Variants in DEPDC1B observed in about 807,000 individuals in gnomAD.
DEPDC1B encodes the protein DEP domain-containing protein 1B.
A neutral mutation model predicts 66.5 loss-of-function variants in DEPDC1B; 51 were observed. The ratio of observed to expected loss-of-function variants is 0.77; its 90% CI spans 0.61 to 0.97. DEPDC1B has a LOEUF of 0.97. DEPDC1B is among the 50% of genes least tolerant of loss of function. The pLI, the probability that DEPDC1B is intolerant of heterozygous loss-of-function variation, is 0.00. For synonymous variants in DEPDC1B, 226 were observed against 223.6 expected, an observed-to-expected ratio of 1.01 and a Z score of -0.10; for missense variants, 552 against 637.1, an observed-to-expected ratio of 0.87 and a Z score of 1.44.
At chr5:60,641,984 ATAC>A (rs1172069961) in intron 6 of DEPDC1B, among the ~76,000 whole-genome samples, 13 of 152,230 alleles carry the variant, frequency 8.5e-5, no homozygotes, top group Non-Finnish European at 1.9e-4. Context: ...CATGTTCCAT[ATAC>A]TACTACTAAG....
chr5:60,691,311 C>T (rs761114222), intron 1 of DEPDC1B, among the ~76,000 whole-genome samples: 8 of 152,178 alleles, frequency 5.3e-5, no homozygotes, highest in Non-Finnish European at 1.2e-4. Flanking sequence ...ACCTCAGCCT[C>T]CCAAAGTGCT....
rs1752109530 is a variant in DEPDC1B at position 60,597,023 on chromosome 5, T to C, written c.*730A>G. 6.6e-6 allele frequency: 1 copy of C among 152,624 alleles called. No individual in the cohort carries two copies. 9.5% of individuals were successfully genotyped at this position (152,624 alleles called of 1,614,324 possible). A position where few individuals can be genotyped will look rare whatever the true frequency, so the allele number is the denominator to read the frequency against. On this transcript the variant is annotated 3_prime_UTR_variant, in exon 11 of 11. Transcript: ENST00000265036. ...TTATTTAACCCATTTGCATTTGACT[T>C]AGAATCAGAGGTCTAAGGGTACCCA...
At chr5:60,623,983 A>T (rs993387357) in intron 7 of DEPDC1B, among the ~76,000 whole-genome samples, 5 of 152,098 alleles carry the variant, frequency 3.3e-5, no homozygotes, top group African/African-American at 1.2e-4. Flanking sequence ...ATCTTAAATC[A>T]CTTATTTCAT....
At chr5:60,615,001 A>G (rs1289823296) in intron 7 of DEPDC1B, among the ~76,000 whole-genome samples, 2 of 152,232 alleles carry the variant, frequency 1.3e-5, no homozygotes, top group African/African-American at 2.4e-5. Flanking sequence ...AAAAATAAAT[A>G]AATGAATAAA....
intron 7 of DEPDC1B, among the ~76,000 whole-genome samples, chr5:60,623,980 A>G (rs1752760706): frequency 6.6e-6 from 1 of 152,022 alleles, no homozygotes; most frequent in Non-Finnish European, 1.5e-5. Context: ...CCAATCTTAA[A>G]TCACTTATTT....
At chr5:60,666,726 T>A (rs1324467054) in intron 2 of DEPDC1B, among the ~76,000 whole-genome samples, 1 of 152,172 alleles carries the variant, frequency 6.6e-6, no homozygotes, top group Non-Finnish European at 1.5e-5. Flanking sequence ...GTTTAGTGAC[T>A]GGTTTTGTGT....
chr5:60,675,531 C>T (rs980527651), intron 2 of DEPDC1B, among the ~76,000 whole-genome samples: 3 of 152,118 alleles, frequency 2.0e-5, no homozygotes, highest in Non-Finnish European at 2.9e-5. Context: ...CATTCCAAGC[C>T]TCTGTAAGCA....
At chr5:60,623,230 C>G (rs1263655273) in intron 7 of DEPDC1B, among the ~76,000 whole-genome samples, 1 of 152,156 alleles carries the variant, frequency 6.6e-6, no homozygotes, top group African/African-American at 2.4e-5. Flanking sequence ...CAACACTACC[C>G]TGAAAAGATG....
chr5:60,659,045 G>A (rs543814669), intron 2 of DEPDC1B, among the ~76,000 whole-genome samples: 49 of 152,262 alleles, frequency 3.2e-4, no homozygotes, highest in African/African-American at 1.1e-3. Context: ...CGTCCTAATT[G>A]AGCTGAACAC....
chr5:60,598,034 A>G (rs1752132115), intron 10 of DEPDC1B, 120 bp from the exon 11 acceptor site: 2 of 855,370 alleles, frequency 2.3e-6, no homozygotes, highest in East Asian at 6.0e-5. Flanking sequence ...ATTTTTGTTA[A>G]AACATTTCAT....
intron 2 of DEPDC1B, among the ~76,000 whole-genome samples, chr5:60,675,519 T>C (rs1754133737): frequency 6.6e-6 from 1 of 152,130 alleles, no homozygotes; most frequent in South Asian, 2.1e-4. Flanking sequence ...CAGTTACAGT[T>C]ACATTCCAAG....
chr5:60,640,587 G>A (rs374975799), intron 6 of DEPDC1B, among the ~76,000 whole-genome samples: 5 of 152,128 alleles, frequency 3.3e-5, no homozygotes, highest in South Asian at 2.1e-4. Flanking sequence ...CTGGACATGC[G>A]CAAAGAAGAA....
At chr5:60,629,160 T>C (rs1298814753) in intron 7 of DEPDC1B, among the ~76,000 whole-genome samples, 2 of 152,220 alleles carry the variant, frequency 1.3e-5, no homozygotes, top group Admixed American at 6.5e-5. Flanking sequence ...ACCATGTTGC[T>C]GCAATGACAT....
At chr5:60,665,673 C>G (rs1017206783) in intron 2 of DEPDC1B, among the ~76,000 whole-genome samples, 7 of 152,158 alleles carry the variant, frequency 4.6e-5, no homozygotes, top group African/African-American at 1.7e-4. Flanking sequence ...CCCAACAACA[C>G]TTGGGTTTTC....
chr5:60,663,107 C>T (rs757200258), intron 2 of DEPDC1B, among the ~76,000 whole-genome samples: 2 of 152,138 alleles, frequency 1.3e-5, no homozygotes, highest in Admixed American at 6.5e-5. Context: ...CATTATACAC[C>T]TGAACATAGG....
chr5:60,666,587 G>A (rs1490149251), intron 2 of DEPDC1B, among the ~76,000 whole-genome samples: 1 of 152,158 alleles, frequency 6.6e-6, no homozygotes, highest in East Asian at 1.9e-4. Context: ...CTGGTACTGG[G>A]GAGTGTCTGC....
intron 2 of DEPDC1B, among the ~76,000 whole-genome samples, chr5:60,677,620 T>G (rs1351368130): frequency 6.6e-6 from 1 of 152,072 alleles, no homozygotes; most frequent in Non-Finnish European, 1.5e-5. Context: ...CACTGCACCC[T>G]TGAACTCTGG....
intron 2 of DEPDC1B, among the ~76,000 whole-genome samples, chr5:60,652,203 T>G (rs149965805): frequency 6.7e-6 from 1 of 149,270 alleles, no homozygotes; most frequent in Non-Finnish European, 1.5e-5. Context: ...CTTTCATGGG[T>G]TGCATGTTCA....
At chr5:60,622,730 G>A (rs1001760832) in intron 7 of DEPDC1B, among the ~76,000 whole-genome samples, 18 of 152,198 alleles carry the variant, frequency 1.2e-4, no homozygotes, top group Admixed American at 9.2e-4. Flanking sequence ...CCATTTTAGT[G>A]TGTACATGGT....
Sources: allele counts gnomAD v4.1 joint callset (sites outside exome capture counted in the v4.1 genomes callset), GRCh38; gene constraint gnomAD v4.1.1; transcripts MANE v1.5; gene names NCBI Gene and HGNC (gene_info 2026-07-23, HGNC 2026-07-21).